The following ADGRD1 variants were observed in gnomAD, a reference collection of about 807,000 sequenced individuals.
ADGRD1 encodes the protein adhesion G protein-coupled receptor D1.
In ADGRD1, 77 loss-of-function variants were observed where a neutral mutation model predicts 113.4. The observed-to-expected ratio is 0.68, with a 90% CI of 0.57 to 0.82. The LOEUF is 0.82. Among genes scored for constraint, ADGRD1 ranks in the 40% least tolerant of loss-of-function variants. The pLI is 0.00. For synonymous variants in ADGRD1, 474 were observed against 475.0 expected (o/e 1.00, Z 0.03); for missense variants, 1,036 against 1,139.1 (o/e 0.91, Z 1.30).
At chr12:131,055,024 C>T (rs1387889790) in intron 13 of ADGRD1, among the ~76,000 whole-genome samples, 1 of 152,218 alleles carries the variant, frequency 6.6e-6, no homozygotes, top group African/African-American at 2.4e-5. Context: ...TGTTTCTATC[C>T]TGTTTCTGGT....
chr12:130,954,793 C>A lies in ADGRD1; in HGVS notation c.103+133C>A. The A allele has an allele frequency of 1.2e-6, 1 of 801,454 alleles. No individual in the cohort carries two copies. The highest frequency in any genetic ancestry group is 2.1e-6 in the Non-Finnish European group (1 of 477,318). The allele number at this position is 801,454 out of a possible 1,614,324, so 49.6% of individuals were successfully genotyped here. ...GTTGGGCTCCTGGTCCCCGACCTCACTGCCTCACCACACACTGTGACCCTG... is the reference window on the plus strand; with the variant it reads ...GTTGGGCTCCTGGTCCCCGACCTCAATGCCTCACCACACACTGTGACCCTG... On this transcript the variant is annotated intron_variant, in intron 2 of 24. Transcript: ENST00000261654. The surrounding 1 kb of genome is among the most constrained non-coding windows in gnomAD (Gnocchi z 4.7).
intron 6 of ADGRD1, 47 bp from the exon 7 acceptor site, chr12:130,990,967 A>G (rs1323161718): frequency 1.3e-6 from 2 of 1,520,160 alleles, no homozygotes; most frequent in South Asian, 2.3e-5. Context: ...CTCGTGGTGA[A>G]AAAAGTGACC....
chr12:131,130,290 C>T (rs538204859), intron 20 of ADGRD1, among the ~76,000 whole-genome samples: 7 of 152,306 alleles, frequency 4.6e-5, no homozygotes, highest in South Asian at 2.1e-4. Flanking sequence ...AAGGTGCATC[C>T]GACTGTCAGC....
chr12:131,071,937 C>T (rs548000555), intron 13 of ADGRD1, among the ~76,000 whole-genome samples: 10 of 150,894 alleles, frequency 6.6e-5, no homozygotes, highest in African/African-American at 2.4e-4. Flanking sequence ...GGCCTGGCTT[C>T]GTGTGCCGCG....
chr12:131,023,199 T>A (rs1223227234), intron 13 of ADGRD1: 1 of 152,210 alleles, frequency 6.6e-6, no homozygotes, highest in African/African-American at 2.4e-5. Flanking sequence ...AGATACCATT[T>A]CTCTGCGTTC....
chr12:131,044,882 G>A (rs1033006312), intron 13 of ADGRD1, among the ~76,000 whole-genome samples: 10 of 152,246 alleles, frequency 6.6e-5, no homozygotes, highest in Non-Finnish European at 1.3e-4. Flanking sequence ...CCCGCCTCGC[G>A]CCGTATTCCA....
rs1876588247 is a variant in ADGRD1 at position 131,003,029 on chromosome 12, GT to G, written c.1027-155del. Among the ~76,000 whole-genome samples the G allele has an allele frequency of 6.6e-6, 1 of 152,166 alleles. No individual in the cohort carries two copies. The highest frequency in any genetic ancestry group is 1.5e-5 in the Non-Finnish European group (1 of 68,028). ...CAGTCGGGTGTGTGGCCTCCGTGTG[GT>G]CCCCTCCTGATCCATGGGAAGGGGC... On this transcript the variant is annotated intron_variant, in intron 9 of 24. Transcript: ENST00000261654. The surrounding 1 kb of genome is among the most constrained non-coding windows in gnomAD (Gnocchi z 4.8).
intron 14 of ADGRD1, among the ~76,000 whole-genome samples, chr12:131,077,416 C>T (rs1885712932): frequency 6.6e-6 from 1 of 152,214 alleles, no homozygotes; most frequent in Non-Finnish European, 1.5e-5. Flanking sequence ...CCACTTGTCA[C>T]ACCTGTCACA....
At chr12:131,097,409 C>A (rs1566106666) in intron 15 of ADGRD1, among the ~76,000 whole-genome samples, 7 of 152,214 alleles carry the variant, frequency 4.6e-5, no homozygotes. Flanking sequence ...CCTCTCCCGT[C>A]CTGCAGCACC....
At chr12:131,069,280 C>T (rs1186651287) in intron 13 of ADGRD1, 1 of 152,204 alleles carries the variant, frequency 6.6e-6, no homozygotes, top group African/African-American at 2.4e-5. Context: ...AGATAAAGAT[C>T]AGTGTAACTC....
chr12:130,964,794 C>T (rs1001781770), intron 2 of ADGRD1, among the ~76,000 whole-genome samples: 14 of 152,172 alleles, frequency 9.2e-5, no homozygotes, highest in East Asian at 1.9e-4. Flanking sequence ...ACTGTCTATC[C>T]GCGTGTAACA....
chr12:131,120,731 G>T (rs1250069410), intron 19 of ADGRD1, 116 bp from the exon 20 acceptor site: 50 of 914,130 alleles, frequency 5.5e-5, no homozygotes, highest in Non-Finnish European at 8.1e-5. Context: ...TTGTATGACT[G>T]CCCCAGGTGG....
At chr12:131,071,097 T>C (rs1885129633) in intron 13 of ADGRD1, among the ~76,000 whole-genome samples, 1 of 134,332 alleles carries the variant, frequency 7.4e-6, no homozygotes, top group Non-Finnish European at 1.6e-5. Flanking sequence ...GGTGGAGCCA[T>C]GTACAAGGAG....
chr12:131,116,578 C>G (rs1451444353), intron 18 of ADGRD1, among the ~76,000 whole-genome samples: 1 of 142,824 alleles, frequency 7.0e-6, no homozygotes, highest in Admixed American at 6.7e-5. Flanking sequence ...TTCCCTCCTC[C>G]TCCTTCCTCT....
Position 131,047,205 on chromosome 12 carries a change from C to T in ADGRD1, c.1474-29596C>T, listed in dbSNP as rs922715002. Among the ~76,000 whole-genome samples the T allele has an allele frequency of 2.4e-4, 37 of 152,340 alleles. 1 individual carries two copies. Among genetic ancestry groups the T allele is most frequent in the Admixed American group, 2.2e-3 (33 of 15,304 alleles). On this transcript the variant is annotated intron_variant, in intron 13 of 24. Transcript: ENST00000261654. ...TGGTTTGTCTCTAAGGCAGGGAGGA[C>T]GGAGCCCATTGAGGGCAGGGGCGAG...
intron 4 of ADGRD1, among the ~76,000 whole-genome samples, chr12:130,974,286 G>A (rs1872051419): frequency 6.6e-6 from 1 of 152,108 alleles, no homozygotes; most frequent in African/African-American, 2.4e-5. Flanking sequence ...CCTTCTCAGG[G>A]GGCACCTGGA....
At chr12:130,974,533 C>T (rs1324671726) in intron 4 of ADGRD1, among the ~76,000 whole-genome samples, 1 of 152,122 alleles carries the variant, frequency 6.6e-6, no homozygotes, top group Admixed American at 6.5e-5. Flanking sequence ...CAGATGTGTT[C>T]AGCGAGTCCT....
intron 8 of ADGRD1, among the ~76,000 whole-genome samples, chr12:130,993,479 G>C (rs1566009718): frequency 6.6e-6 from 1 of 151,276 alleles, no homozygotes; most frequent in South Asian, 2.1e-4. Context: ...GAGGCTCAGG[G>C]TTGAGGGAGT....
chr12:130,961,593 G>A (rs780897812), intron 2 of ADGRD1, among the ~76,000 whole-genome samples: 5 of 152,114 alleles, frequency 3.3e-5, no homozygotes, highest in Admixed American at 6.6e-5. Flanking sequence ...AAATCAAGGT[G>A]GTTGCAGAGT....
Sources: gnomAD v4.1 joint callset for allele counts (sites outside exome capture counted in the v4.1 genomes callset) on GRCh38, gnomAD v4.1.1 for gene constraint, Gnocchi (gnomAD v3.1) non-coding constraint, MANE v1.5 for transcripts, NCBI Gene and HGNC (gene_info 2026-07-23, HGNC 2026-07-21) for gene names.